The following DLG2 variants were observed in gnomAD, a reference collection of about 807,000 sequenced individuals.
DLG2 encodes the protein discs large MAGUK scaffold protein 2, also known as disks large homolog 2.
Under a neutral mutation model 132.5 loss-of-function variants are expected in DLG2, and 45 were observed. The observed-to-expected ratio is 0.34, with a 90% CI of 0.27 to 0.44. DLG2 has a LOEUF of 0.44. Among genes scored for constraint, DLG2 ranks in the 20% least tolerant of loss-of-function variants. The probability of loss-of-function intolerance (pLI) is 1.00; values close to 1 mark genes in which losing one functional copy is unlikely to be tolerated. For synonymous variants in DLG2, 424 were observed against 419.6 expected (o/e 1.01, Z -0.13); for missense variants, 1,045 against 1,196.9 (o/e 0.87, Z 1.87).
chr11:85,248,666 T>C (rs1207235148), intron 4 of DLG2, among the ~76,000 whole-genome samples: 2 of 152,034 alleles, frequency 1.3e-5, no homozygotes, highest in Admixed American at 1.3e-4. Context: ...AGTCTTCCAC[T>C]AAAAACAGGC....
At chr11:84,877,706 T>G (rs1469518508) in intron 6 of DLG2, among the ~76,000 whole-genome samples, 1 of 151,910 alleles carries the variant, frequency 6.6e-6, no homozygotes, top group Non-Finnish European at 1.5e-5. Context: ...TATTTAAAGT[T>G]AATATTGTTA....
At chr11:85,086,954 G>GT (rs1162048360) in intron 6 of DLG2, among the ~76,000 whole-genome samples, 2 of 152,194 alleles carry the variant, frequency 1.3e-5, no homozygotes, top group East Asian at 3.9e-4. Context: ...TATGTCTTTT[G>GT]TTTTTTAAAT....
chr11:83,749,715 C>A (rs2093175616), intron 18 of DLG2, among the ~76,000 whole-genome samples: 1 of 152,160 alleles, frequency 6.6e-6, no homozygotes, highest in Admixed American at 6.5e-5. Flanking sequence ...TCACATCTAG[C>A]TATGCACAGC....
At chr11:85,148,846 T>G (rs2077036962) in intron 5 of DLG2, among the ~76,000 whole-genome samples, 1 of 152,194 alleles carries the variant, frequency 6.6e-6, no homozygotes, top group East Asian at 1.9e-4. Flanking sequence ...TTGAATGGTA[T>G]TGCCTAGGTT....
intron 2 of DLG2, among the ~76,000 whole-genome samples, chr11:85,614,681 A>G (rs1321678982): frequency 1.3e-5 from 2 of 152,220 alleles, no homozygotes; most frequent in Non-Finnish European, 2.9e-5. Flanking sequence ...GTGATACCAC[A>G]AAGGTGTCAT....
At chr11:84,704,371 G>A (rs545190850) in intron 6 of DLG2, among the ~76,000 whole-genome samples, 3 of 151,484 alleles carry the variant, frequency 2.0e-5, no homozygotes, top group Non-Finnish European at 4.4e-5. Context: ...TTCAGAGTTT[G>A]GCAGACTTGA....
At chr11:83,989,524 C>A (rs1592499128) in intron 11 of DLG2, among the ~76,000 whole-genome samples, 1 of 152,132 alleles carries the variant, frequency 6.6e-6, no homozygotes. Flanking sequence ...GCATGACTTA[C>A]TTCTTAGAGG....
rs2076048463 is a variant in DLG2 at position 84,806,789 on chromosome 11, A to G, written c.358-272058T>C. ...AGTAAACCTTCTGGGCAAATACAGTAGATTTTCCTTCTTCTCTTGGATTTC... is the reference window on the plus strand; with the variant it reads ...AGTAAACCTTCTGGGCAAATACAGTGGATTTTCCTTCTTCTCTTGGATTTC... On this transcript the variant is annotated intron_variant, in intron 6 of 27. Transcript: ENST00000376104. Among the ~76,000 whole-genome samples, 3 of 152,220 alleles carry G rather than the reference A, an allele frequency of 2.0e-5. No individual in the cohort carries two copies. In the South Asian group the frequency reaches 6.2e-4, roughly 31 times the overall value.
intron 6 of DLG2, among the ~76,000 whole-genome samples, chr11:84,801,950 T>C (rs1242022156): frequency 1.3e-5 from 2 of 152,234 alleles, no homozygotes; most frequent in Non-Finnish European, 2.9e-5. Flanking sequence ...CTTCTGCATC[T>C]GTACAGGGCA....
chr11:83,765,272 T>C (rs1264128152), intron 18 of DLG2, among the ~76,000 whole-genome samples: 2 of 152,198 alleles, frequency 1.3e-5, no homozygotes, highest in Non-Finnish European at 2.9e-5. Flanking sequence ...AATTAACATC[T>C]TGATGGGATA....
chr11:85,088,184 GA>G (rs997572296), intron 6 of DLG2, among the ~76,000 whole-genome samples: 1 of 151,742 alleles, frequency 6.6e-6, no homozygotes, highest in African/African-American at 2.4e-5. Context: ...GAAGGTAAGG[GA>G]AAAAAAGTCA....
intron 6 of DLG2, among the ~76,000 whole-genome samples, chr11:84,830,870 C>T (rs1295065047): frequency 6.6e-6 from 1 of 151,102 alleles, no homozygotes; most frequent in Non-Finnish European, 1.5e-5. Flanking sequence ...TAATGAAATA[C>T]AAGAATACTT....
At chr11:84,082,514 T>A (rs2154157195) in intron 10 of DLG2, among the ~76,000 whole-genome samples, 1 of 152,310 alleles carries the variant, frequency 6.6e-6, no homozygotes, top group East Asian at 1.9e-4. Context: ...AAAACACCAA[T>A]CCACACTGAT....
At chr11:85,271,888 C>T (rs556710) in intron 4 of DLG2, among the ~76,000 whole-genome samples, 2 of 151,890 alleles carry the variant, frequency 1.3e-5, no homozygotes, top group Non-Finnish European at 2.9e-5. Context: ...TCAGATGAAA[C>T]TTTGGACTGT....
At chr11:84,517,357 A>G (rs565608905) in intron 7 of DLG2, among the ~76,000 whole-genome samples, 2 of 152,088 alleles carry the variant, frequency 1.3e-5, no homozygotes, top group Non-Finnish European at 2.9e-5. Flanking sequence ...ACATTTCTGA[A>G]GAGAAGACAT....
chr11:84,573,378 G>T (rs569913011), intron 6 of DLG2, among the ~76,000 whole-genome samples: 15 of 152,192 alleles, frequency 9.9e-5, no homozygotes, highest in African/African-American at 3.6e-4. Flanking sequence ...ATAATTCAAA[G>T]TATTATTTTT....
intron 6 of DLG2, chr11:84,923,060 G>A (rs2092833611): frequency 2.5e-6 from 4 of 1,613,756 alleles, no homozygotes; most frequent in East Asian, 2.2e-5. Flanking sequence ...CCCAGTTGCC[G>A]GCTCGCCTCC....
chr11:84,166,506 A>AG (rs1220553429), intron 8 of DLG2, among the ~76,000 whole-genome samples: 1 of 149,432 alleles, frequency 6.7e-6, no homozygotes, highest in African/African-American at 2.5e-5. Flanking sequence ...GCTTCAAAAA[A>AG]AAAAAAAAAA....
rs527693115 is a variant in DLG2, at chr11:84,674,966, T to C, written c.358-140235A>G. Among the ~76,000 whole-genome samples, 4 of 152,252 alleles carry C rather than the reference T, an allele frequency of 2.6e-5. No homozygotes were observed. The East Asian group carries it at 5.8e-4, about 22-fold the overall frequency. Reference sequence around the variant, plus strand: ...TTTTCCTGTCACCGACTTTGTATTGTGGGAAAATCCTGGATTTATGGAGTT... The same window carrying C: ...TTTTCCTGTCACCGACTTTGTATTGCGGGAAAATCCTGGATTTATGGAGTT... On this transcript the variant is annotated intron_variant, in intron 6 of 27. Coordinates refer to ENST00000376104, the MANE Select transcript of DLG2 (RefSeq NM_001142699.3).
Sources: gnomAD v4.1 joint callset for allele counts (sites outside exome capture counted in the v4.1 genomes callset) on GRCh38, gnomAD v4.1.1 for gene constraint, MANE v1.5 for transcripts, NCBI Gene and HGNC (gene_info 2026-07-23, HGNC 2026-07-21) for gene names.